Variants in LRRK2 observed in about 807,000 individuals in gnomAD.
LRRK2 encodes leucine rich repeat kinase 2.
LRRK2 carries 203 observed loss-of-function variants against 302.6 expected under a neutral mutation model. The observed-to-expected ratio is 0.67, with a 90% CI of 0.60 to 0.75. LRRK2 has a LOEUF of 0.75. Ranked by LOEUF, LRRK2 falls within the 30% of genes least tolerant of loss-of-function variation. The pLI is 0.00. For synonymous variants in LRRK2, 1,066 were observed against 1,031.9 expected (o/e 1.03, Z -0.63); for missense variants, 2,830 against 2,951.0 (o/e 0.96, Z 0.95).
In LRRK2 at chr12:40,363,444, G is replaced by A. The variant is rs200701193; in HGVS notation, c.7071G>A (p.Val2357=). 35 of 1,611,836 alleles carry A rather than the reference G, an allele frequency of 2.2e-5. No individual in the cohort carries two copies. The highest frequency in any genetic ancestry group is 3.0e-5 in the Non-Finnish European group (35 of 1,178,700). Residue 2357 remains valine, a synonymous_variant, in exon 48 of 51, where the codon GTG becomes GTA. Transcript: ENST00000298910. ...TCAGTGATTCCAACATCATAACAGT[G>A]GTGGTAGACACTGCTCTCTATATTG... ...AAFSDSNIIT[V]VVDTALYIAK... is the part of the protein sequence containing the mutation.
rs71078229 is a variant in LRRK2, at chr12:40,229,955, C to CTTTTTTTTTTTTTTTTTTTTTTT, written c.238-2313_238-2291dup. On this transcript the variant is annotated intron_variant, in intron 2 of 50. Transcript: ENST00000298910. ...GAGATGAGTTTGGCATCCTATGTGA[C>CTTTTTTTTTTTTTTTTTTTTTTT]TTTTTTTTTTTTTTTTTTTTTTTTT... Among the ~76,000 whole-genome samples the CTTTTTTTTTTTTTTTTTTTTTTT allele has an allele frequency of 3.2e-5, 3 of 92,926 alleles. 1 individual carries two copies. The allele number at this position is 92,926 out of a possible 152,430, so 61.0% of individuals were successfully genotyped here.
intron 2 of LRRK2, among the ~76,000 whole-genome samples, chr12:40,228,525 A>G (rs1208401392): frequency 6.7e-6 from 1 of 148,762 alleles, no homozygotes; most frequent in Non-Finnish European, 1.5e-5. Flanking sequence ...TATTTTGCAA[A>G]TATTTTCTCC....
At chr12:40,346,603 A>T (rs925485125) in intron 41 of LRRK2, 150 bp from the exon 42 acceptor site, 2 of 722,594 alleles carry the variant, frequency 2.8e-6, no homozygotes, top group African/African-American at 3.5e-5. Flanking sequence ...AATTGACTTG[A>T]TCAAGGTACC....
rs745860534 is a variant in LRRK2, at chr12:40,299,293, C to A, written c.3496+36C>A. On this transcript the variant is annotated intron_variant, in intron 25 of 50. Coordinates refer to ENST00000298910, the MANE Select transcript of LRRK2 (RefSeq NM_198578.4). Reference sequence around the variant, plus strand: ...TGTGTGGGTCTCCTCCTTACCAGGCCCTCTAAGTTGTACAAGATGAGTCAT... The same window carrying A: ...TGTGTGGGTCTCCTCCTTACCAGGCACTCTAAGTTGTACAAGATGAGTCAT... 1.7e-5 allele frequency: 27 copies of A among 1,609,908 alleles called. No individual in the cohort carries two copies. In the East Asian group the frequency reaches 5.8e-4, roughly 35 times the overall value.
Position 40,364,906 on chromosome 12 carries a change from AC to A in LRRK2, c.7249del (p.Leu2417SerfsTer11). 6.2e-7 allele frequency: 1 copy of A among 1,612,236 alleles called. No homozygotes were observed. The highest frequency in any genetic ancestry group is 8.5e-7 in the Non-Finnish European group (1 of 1,178,978). ...AATGTCTTATTCTGGGAGAGTGAAA[AC>A]CCTCTGCCTTCAGAAGAACACTGCT... ...HKMSYSGRVK[T>X]LCLQKNTALW... On this transcript the variant is annotated frameshift_variant, in exon 49 of 51. Transcript: ENST00000298910. LOFTEE classifies it high-confidence loss of function.
intron 3 of LRRK2, chr12:40,232,714 G>A (rs1001209082): frequency 1.0e-5 from 2 of 190,632 alleles, no homozygotes; most frequent in African/African-American, 2.4e-5. Context: ...TAATAGAATC[G>A]ATACAAACCA....
At chr12:40,277,848 G>C (rs200597628) in intron 16 of LRRK2, 40 bp from the exon 17 acceptor site, 6 of 1,522,570 alleles carry the variant, frequency 3.9e-6, no homozygotes, top group Non-Finnish European at 1.8e-6. Context: ...CATTTTGCCT[G>C]TAATTGCTTA....
At chr12:40,315,750 A>T (rs1413289910) in intron 33 of LRRK2, among the ~76,000 whole-genome samples, 1 of 152,022 alleles carries the variant, frequency 6.6e-6, no homozygotes, top group Non-Finnish European at 1.5e-5. Context: ...CGATTTTGAA[A>T]ACTTTGGATG....
intron 2 of LRRK2, chr12:40,227,975 T>C (rs902966525): frequency 6.6e-6 from 1 of 152,172 alleles, no homozygotes; most frequent in African/African-American, 2.4e-5. Flanking sequence ...ATATTTTCTT[T>C]GTTAATCTGT....
At chr12:40,323,398 AT>A in intron 38 of LRRK2, 92 bp downstream of exon 38, 8 of 1,070,608 alleles carry the variant, frequency 7.5e-6, no homozygotes, top group Non-Finnish European at 1.1e-5. Context: ...ATTGTCATAG[AT>A]TTTACTGTCT....
chr12:40,310,854 T>C lies in LRRK2; in HGVS notation c.4536+205T>C, dbSNP rs72547985. On this transcript the variant is annotated intron_variant, in intron 31 of 50. Coordinates refer to ENST00000298910, the MANE Select transcript of LRRK2 (RefSeq NM_198578.4). ...CATAGAAATGGGAACAAAAAATAAT[T>C]AGAGGAACCTGAGAGAAACTAAGAG... 3.1e-4 allele frequency among the ~76,000 whole-genome samples: 47 copies of C among 152,190 alleles called. 2 individuals carry two copies. The South Asian group carries it at 9.1e-3, about 30-fold the overall frequency.
intron 29 of LRRK2, 35 bp from the exon 30 acceptor site, chr12:40,309,071 A>G (rs1301637938): frequency 2.5e-6 from 4 of 1,610,892 alleles, no homozygotes; most frequent in Non-Finnish European, 3.4e-6. Context: ...TGTCGTTTGA[A>G]AGATTAAAAA....
chr12:40,225,434 C>A, intron 1 of LRRK2, 121 bp from the exon 2 acceptor site: 3 of 1,262,004 alleles, frequency 2.4e-6, no homozygotes, highest in East Asian at 4.9e-5. Context: ...GGGCAGAAAG[C>A]AGCTGAGAAT....
At chr12:40,282,723 G>A (rs994314744) in intron 18 of LRRK2, among the ~76,000 whole-genome samples, 19 of 152,098 alleles carry the variant, frequency 1.2e-4, no homozygotes, top group Non-Finnish European at 2.9e-5. Context: ...GGAGACTGGT[G>A]GGCATTTAAT....
chr12:40,243,347 C>T (rs1941823167), intron 6 of LRRK2, among the ~76,000 whole-genome samples: 1 of 152,010 alleles, frequency 6.6e-6, no homozygotes, highest in South Asian at 2.1e-4. Context: ...TTCCTTAATG[C>T]CAAAGATTAG....
At chr12:40,317,739 A>C (rs1026648825) in intron 33 of LRRK2, among the ~76,000 whole-genome samples, 1 of 152,144 alleles carries the variant, frequency 6.6e-6, no homozygotes, top group Non-Finnish European at 1.5e-5. Context: ...TCAGTTAGCT[A>C]TTCAGGTTAT....
chr12:40,362,576 T>C (rs923641929), intron 47 of LRRK2, among the ~76,000 whole-genome samples: 4 of 152,026 alleles, frequency 2.6e-5, no homozygotes, highest in Non-Finnish European at 4.4e-5. Flanking sequence ...GACAATTTTA[T>C]ATTTAATAAG....
At chr12:40,225,993 A>G (rs772113201) in intron 2 of LRRK2, among the ~76,000 whole-genome samples, 1 of 152,194 alleles carries the variant, frequency 6.6e-6, no homozygotes, top group Non-Finnish European at 1.5e-5. Context: ...AATACAGAGC[A>G]TGTCCTAGAT....
intron 6 of LRRK2, among the ~76,000 whole-genome samples, chr12:40,241,230 G>A (rs1465552426): frequency 6.6e-6 from 1 of 152,176 alleles, no homozygotes; most frequent in African/African-American, 2.4e-5. Flanking sequence ...AGAGGCAAGG[G>A]AGAGCTTGAT....
Sources: gnomAD v4.1 joint callset for allele counts (sites outside exome capture counted in the v4.1 genomes callset) on GRCh38, gnomAD v4.1.1 for gene constraint, MANE v1.5 for transcripts, NCBI Gene and HGNC (gene_info 2026-07-23, HGNC 2026-07-21) for gene names.